MYH13: variants seen among roughly 807,000 people sequenced by gnomAD.
The protein encoded by MYH13 is myosin-13.
A neutral mutation model predicts 232.1 loss-of-function variants in MYH13; 177 were observed. The observed-to-expected ratio is 0.76, with a 90% CI of 0.67 to 0.86. The LOEUF (loss-of-function observed/expected upper bound fraction) is 0.86, where lower values mean the gene tolerates loss of function less well. MYH13 is among the 40% of genes least tolerant of loss of function. The probability of loss-of-function intolerance (pLI) is 0.00; values close to 1 mark genes in which losing one functional copy is unlikely to be tolerated. For synonymous variants in MYH13, 884 were observed against 923.5 expected, an observed-to-expected ratio of 0.96 and a Z score of 0.78; for missense variants, 2,246 against 2,405.9, an observed-to-expected ratio of 0.93 and a Z score of 1.39.
chr17:10,352,574 C>A (rs572881560), intron 11 of MYH13, among the ~76,000 whole-genome samples: 13 of 150,776 alleles, frequency 8.6e-5, no homozygotes, highest in Admixed American at 4.6e-4. Flanking sequence ...GGGGACAGAG[C>A]GAGACTCCAT....
intron 22 of MYH13, 24 bp downstream of exon 22, chr17:10,327,842 C>T (rs1487274300): frequency 2.5e-6 from 4 of 1,598,798 alleles, no homozygotes; most frequent in Admixed American, 3.7e-5. Context: ...CTGTGTTTTG[C>T]GTTCTCAAGT....
At chr17:10,353,730 G>A (rs920177478) in intron 11 of MYH13, among the ~76,000 whole-genome samples, 2 of 152,074 alleles carry the variant, frequency 1.3e-5, no homozygotes, top group Non-Finnish European at 2.9e-5. Flanking sequence ...AAATTAGCCA[G>A]GCATGGTGGT....
intron 29 of MYH13, 84 bp from the exon 30 acceptor site, chr17:10,313,438 A>G: frequency 6.3e-7 from 1 of 1,589,608 alleles, no homozygotes; most frequent in Non-Finnish European, 8.6e-7. Flanking sequence ...GCTTTCCCCC[A>G]ACTTGAATTA....
At chr17:10,331,919 C>G (rs1299915558) in intron 20 of MYH13, among the ~76,000 whole-genome samples, 180 bp downstream of exon 20, 2 of 152,160 alleles carry the variant, frequency 1.3e-5, no homozygotes, top group African/African-American at 4.8e-5. Context: ...CTTTCAGCCA[C>G]TTACAAACCA....
At chr17:10,353,200 C>T (rs1305849899) in intron 11 of MYH13, among the ~76,000 whole-genome samples, 3 of 152,200 alleles carry the variant, frequency 2.0e-5, no homozygotes, top group African/African-American at 7.2e-5. Flanking sequence ...GGGTGGAGCT[C>T]TCTGAGCCTC....
rs375177212 is a variant in MYH13 at position 10,328,076 on chromosome 17, G to A, written c.2481C>T (p.Asn827=). The A allele has an allele frequency of 2.5e-6, 4 of 1,613,952 alleles. No homozygotes were observed. The highest frequency in any genetic ancestry group is 3.4e-6 in the Non-Finnish European group (4 of 1,180,008). ...GGTTCATCCAGGGCCAGTGCTTGACGTTCATAAAAGAGCGGATGTTGTACT... is the reference window on the plus strand; with the variant it reads ...GGTTCATCCAGGGCCAGTGCTTGACATTCATAAAAGAGCGGATGTTGTACT... ...CIQYNIRSFM[N]VKHWPWMNLF... is the part of the protein sequence containing the mutation. Residue 827 remains asparagine, a synonymous_variant, in exon 22 of 41, where the codon AAC becomes AAT. Transcript: ENST00000252172.
chr17:10,302,732 G>C (rs1236680587), intron 39 of MYH13, among the ~76,000 whole-genome samples: 2 of 152,116 alleles, frequency 1.3e-5, no homozygotes, highest in Non-Finnish European at 2.9e-5. Context: ...GGATGGGATG[G>C]AGTGGAGGGA....
chr17:10,348,728 C>G (rs1343259918), intron 12 of MYH13, among the ~76,000 whole-genome samples: 1 of 152,010 alleles, frequency 6.6e-6, no homozygotes, highest in African/African-American at 2.4e-5. Context: ...TTTTGGTGAG[C>G]CTGGCTGCTG....
Position 10,343,890 on chromosome 17 carries a change from G to T in MYH13, c.1804C>A (p.Pro602Thr). 1 of 1,614,218 alleles carries T rather than the reference G, an allele frequency of 6.2e-7. No homozygotes were observed. Among genetic ancestry groups the T allele is most frequent in the South Asian group, 1.1e-5 (1 of 91,090 alleles). Residue 602 changes from proline to threonine, a missense_variant, in exon 16 of 41, where the codon CCC becomes ACC. By Grantham distance (38) the Pro-to-Thr change is conservative (BLOSUM62 -1). Coordinates refer to ENST00000252172, the MANE Select transcript of MYH13 (RefSeq NM_003802.3). ...AGCCCCACCACAGTCTCGTTCAGGG[G>T]GTCCTTGTTTTTGTCCAGCCAGCCG... ...IAGWLDKNKD[P>T]LNETVVGLYQ...
At chr17:10,301,492 G>A (rs562612341) in intron 40 of MYH13, 77 bp downstream of exon 40, 4 of 1,584,944 alleles carry the variant, frequency 2.5e-6, no homozygotes, top group Admixed American at 1.7e-5. Flanking sequence ...CCCACACTCA[G>A]GCATTCGCTC....
intron 2 of MYH13, among the ~76,000 whole-genome samples, chr17:10,370,620 C>T (rs1272379224): frequency 6.6e-6 from 1 of 152,220 alleles, no homozygotes; most frequent in Admixed American, 6.5e-5. Context: ...CTACTCTCAA[C>T]TTTCATCCCT....
At position 10,312,720 on chromosome 17, in the gene MYH13, TCTC is replaced by T; in HGVS notation, c.4216_4218del (p.Glu1406del). Reference sequence around the variant, plus strand: ...CACTTGGAGTTCGCCGTCTCCGTGTTCTCCTCTGCTTCCTGGAGCCTCTGGGCC... The same window carrying T: ...CACTTGGAGTTCGCCGTCTCCGTGTTCTCTGCTTCCTGGAGCCTCTGGGCC... On this transcript the variant is annotated inframe_deletion, in exon 31 of 41. Coordinates refer to ENST00000252172, the MANE Select transcript of MYH13 (RefSeq NM_003802.3). The T allele has an allele frequency of 6.2e-7, 1 of 1,613,590 alleles. No individual in the cohort carries two copies. Among genetic ancestry groups the T allele is most frequent in the South Asian group, 1.1e-5 (1 of 91,004 alleles).
chr17:10,320,391 G>T lies in MYH13; in HGVS notation c.3217C>A (p.Leu1073Ile), dbSNP rs1191550097. The change falls in exon 25 of 41, where the codon CTA becomes ATA. Residue 1073 changes from leucine (L) to isoleucine (I), a missense_variant. Coordinates refer to ENST00000252172, the MANE Select transcript of MYH13 (RefSeq NM_003802.3). ...TCTATTTGCTGCTTGTCATTTTCTA[G>T]ATCCATAATGGATTCCTGGGACATT... ...LKMSQESIMD[L>I]ENDKQQIEEK... 6.2e-7 allele frequency: 1 copy of T among 1,612,670 alleles called. No individual in the cohort carries two copies. Among genetic ancestry groups the T allele is most frequent in the East Asian group, 2.2e-5 (1 of 44,866 alleles).
intron 35 of MYH13, among the ~76,000 whole-genome samples, chr17:10,308,127 C>T (rs994497121): frequency 6.6e-6 from 1 of 152,132 alleles, no homozygotes; most frequent in East Asian, 1.9e-4. Flanking sequence ...GAGATCGAGA[C>T]AATCCTGGCC....
At chr17:10,317,722 G>C (rs1906768862) in intron 27 of MYH13, 1 of 152,146 alleles carries the variant, frequency 6.6e-6, no homozygotes, top group Non-Finnish European at 1.5e-5. Flanking sequence ...ATAAGCTTCA[G>C]GGCCCGCATT....
intron 31 of MYH13, 86 bp from the exon 32 acceptor site, chr17:10,312,162 C>G (rs1337721643): frequency 2.1e-6 from 3 of 1,454,672 alleles, no homozygotes; most frequent in African/African-American, 2.8e-5. Context: ...TCAGTAACAC[C>G]AACGTTTTGC....
At chr17:10,307,872 T>G (rs1393886148) in intron 35 of MYH13, among the ~76,000 whole-genome samples, 1 of 152,122 alleles carries the variant, frequency 6.6e-6, no homozygotes, top group Non-Finnish European at 1.5e-5. Context: ...ATATGAAAAT[T>G]TAGTTATGAG....
chr17:10,341,215 G>C (rs759083817), intron 16 of MYH13: 1 of 151,824 alleles, frequency 6.6e-6, no homozygotes, highest in African/African-American at 2.4e-5. Flanking sequence ...GCTAATTTTT[G>C]TATTTTTAGT....
chr17:10,301,859 A>G (rs1906106099), intron 39 of MYH13, among the ~76,000 whole-genome samples, 156 bp from the exon 40 acceptor site: 1 of 152,162 alleles, frequency 6.6e-6, no homozygotes. Context: ...GTGTGAGGAC[A>G]AGGCTCCCAG....
Sources: gnomAD v4.1 joint callset for allele counts (sites outside exome capture counted in the v4.1 genomes callset) on GRCh38, gnomAD v4.1.1 for gene constraint, MANE v1.5 for transcripts, NCBI Gene and HGNC (gene_info 2026-07-23, HGNC 2026-07-21) for gene names.